Variants in PKNOX2 observed in about 807,000 individuals in gnomAD.
The protein encoded by PKNOX2 is PBX/knotted 1 homeobox 2.
In PKNOX2, 14 loss-of-function variants were observed where a neutral mutation model predicts 53.1. The observed-to-expected ratio is 0.26, with a 90% confidence interval of 0.17 to 0.41. The LOEUF is 0.41. Among genes scored for constraint, PKNOX2 ranks in the 10% least tolerant of loss-of-function variants. The pLI, the probability that PKNOX2 is intolerant of heterozygous loss-of-function variation, is 1.00. For missense variants in PKNOX2, 496 were observed against 602.8 expected (o/e 0.82, Z 1.85); for synonymous variants, 257 against 242.8 (o/e 1.06, Z -0.54).
chr11:125,308,993 T>A (rs879331160), intron 2 of PKNOX2, among the ~76,000 whole-genome samples: 1 of 152,214 alleles, frequency 6.6e-6, no homozygotes, highest in Non-Finnish European at 1.5e-5. Context: ...CCTCCACAGA[T>A]GCACTCCATA....
In PKNOX2 at chr11:125,249,375, G is replaced by T. The variant is rs76761183; in HGVS notation, c.-130+14260G>T. On this transcript the variant is annotated intron_variant, in intron 2 of 12. Coordinates refer to ENST00000298282, the MANE Select transcript of PKNOX2 (RefSeq NM_001382323.2). The stretch of plus-strand genomic sequence containing the variant: ...ATGGTGCAGCAAATAAACAAGAATA[G>T]TCAGCCCTCTGTATCCATAGGTTCC... 9.7e-3 allele frequency among the ~76,000 whole-genome samples: 1,484 copies of T among 152,228 alleles called. 32 individuals carry two copies. Among genetic ancestry groups the T allele is most frequent in the African/African-American group, 0.033 (1,387 of 41,534 alleles).
At chr11:125,284,457 G>A (rs1056141361) in intron 2 of PKNOX2, among the ~76,000 whole-genome samples, 2 of 152,340 alleles carry the variant, frequency 1.3e-5, no homozygotes, top group African/African-American at 2.4e-5. Context: ...ACAAGAAATA[G>A]CATCGCCAGA....
intron 2 of PKNOX2, among the ~76,000 whole-genome samples, chr11:125,280,440 G>A (rs1360895071): frequency 1.3e-5 from 2 of 152,162 alleles, no homozygotes; most frequent in Non-Finnish European, 2.9e-5. Context: ...AGGAGAGGCT[G>A]CACCTTCCCT....
rs1453312758 is a variant in PKNOX2, at chr11:125,166,792, G to C, written c.-201+2016G>C. On this transcript the variant is annotated intron_variant, in intron 1 of 12. Coordinates refer to ENST00000298282, the MANE Select transcript of PKNOX2 (RefSeq NM_001382323.2). The surrounding 1 kb of genome is among the most constrained non-coding windows in gnomAD (Gnocchi z 4.0). ...TTTGGTGCGCCCGGGGGAGGAGGAA[G>C]CTTGGAGTGCCCTACTGTCATCTCT... 6.6e-6 allele frequency among the ~76,000 whole-genome samples: 1 copy of C among 152,112 alleles called. No homozygotes were observed. The highest frequency in any genetic ancestry group is 1.5e-5 in the Non-Finnish European group (1 of 68,012).
chr11:125,220,960 C>G (rs1021049574), intron 1 of PKNOX2, among the ~76,000 whole-genome samples: 29 of 152,084 alleles, frequency 1.9e-4, no homozygotes, highest in Non-Finnish European at 2.2e-4. Context: ...CGAATCACAG[C>G]CTGGCCCACA....
chr11:125,412,851 A>G (rs920609410), intron 10 of PKNOX2, among the ~76,000 whole-genome samples: 1 of 152,194 alleles, frequency 6.6e-6, no homozygotes, highest in Non-Finnish European at 1.5e-5. Context: ...CGAATGGGCC[A>G]TGGAAACTAA....
At chr11:125,348,749 G>T (rs1001457294) in intron 3 of PKNOX2, among the ~76,000 whole-genome samples, 1 of 152,198 alleles carries the variant, frequency 6.6e-6, no homozygotes, top group Non-Finnish European at 1.5e-5. Flanking sequence ...AATGAAAGGC[G>T]CCTCTCTGTA....
chr11:125,317,712 G>A lies in PKNOX2; in HGVS notation c.-129-14107G>A, dbSNP rs111455293. The stretch of plus-strand genomic sequence containing the variant: ...GGCTTTGTTGTTCCATTTATAGAGT[G>A]CAGGCAAAGCAGATTTAGCATCATT... On this transcript the variant is annotated intron_variant, in intron 2 of 12. Transcript: ENST00000298282. Among the ~76,000 whole-genome samples the A allele has an allele frequency of 2.3e-3, 349 of 151,990 alleles. 1 individual carries two copies. Among genetic ancestry groups the A allele is most frequent in the Admixed American group, 3.4e-3 (52 of 15,292 alleles).
intron 2 of PKNOX2, among the ~76,000 whole-genome samples, chr11:125,314,374 G>A (rs1311795615): frequency 6.6e-6 from 1 of 152,152 alleles, no homozygotes; most frequent in African/African-American, 2.4e-5. Context: ...GGGAGCCAGG[G>A]TGGGTCAGGG....
intron 1 of PKNOX2, among the ~76,000 whole-genome samples, chr11:125,171,018 CG>C (rs34382540): frequency 0.35 from 52,464 of 151,678 alleles, 9,307 homozygotes; most frequent in Non-Finnish European, 0.37. Flanking sequence ...GGCCAGAAAG[CG>C]GCCACAGAAG....
intron 2 of PKNOX2, among the ~76,000 whole-genome samples, chr11:125,294,869 A>C (rs756777157): frequency 7.2e-5 from 11 of 152,180 alleles, no homozygotes; most frequent in Non-Finnish European, 1.5e-4. Context: ...CCTCGCATGG[A>C]GTATTGGGGC....
At chr11:125,299,598 T>C (rs1216299207) in intron 2 of PKNOX2, among the ~76,000 whole-genome samples, 1 of 152,152 alleles carries the variant, frequency 6.6e-6, no homozygotes, top group Non-Finnish European at 1.5e-5. Context: ...AGCCTCAACA[T>C]ACTTGTTGGT....
chr11:125,259,950 C>T (rs779103797), intron 2 of PKNOX2, among the ~76,000 whole-genome samples: 2 of 151,698 alleles, frequency 1.3e-5, no homozygotes, highest in Non-Finnish European at 2.9e-5. Flanking sequence ...AATCACAGCT[C>T]ATTGTACCCT....
intron 10 of PKNOX2, among the ~76,000 whole-genome samples, chr11:125,428,804 G>A (rs751781910): frequency 2.6e-5 from 4 of 152,200 alleles, no homozygotes; most frequent in Non-Finnish European, 4.4e-5. Context: ...TGGCCAGCCC[G>A]GGATGTGGAG....
chr11:125,429,941 T>G, intron 11 of PKNOX2, 22 bp from the exon 12 acceptor site: 1 of 1,609,952 alleles, frequency 6.2e-7, no homozygotes, highest in Non-Finnish European at 8.5e-7. Flanking sequence ...ACTAACCAGG[T>G]CTCCACTTTA....
At chr11:125,225,561 C>A (rs1941612153) in intron 1 of PKNOX2, among the ~76,000 whole-genome samples, 1 of 152,184 alleles carries the variant, frequency 6.6e-6, no homozygotes, top group Non-Finnish European at 1.5e-5. Context: ...ACTCCAGCTC[C>A]CCCACCCACT....
intron 1 of PKNOX2, among the ~76,000 whole-genome samples, chr11:125,229,901 T>C (rs1176476476): frequency 1.3e-5 from 2 of 152,086 alleles, no homozygotes; most frequent in Non-Finnish European, 2.9e-5. Context: ...GCTTGGAGGG[T>C]AAATTGCTTG....
chr11:125,373,964 G>T (rs1197170492), intron 5 of PKNOX2, among the ~76,000 whole-genome samples: 1 of 152,136 alleles, frequency 6.6e-6, no homozygotes, highest in African/African-American at 2.4e-5. Context: ...CCTGGGGCTG[G>T]GCTGGTGGAT....
intron 3 of PKNOX2, among the ~76,000 whole-genome samples, chr11:125,344,510 G>T (rs1486693665): frequency 6.6e-6 from 1 of 152,168 alleles, no homozygotes; most frequent in African/African-American, 2.4e-5. Context: ...CATCTCTTAG[G>T]GAGTCAGAAG....
Sources: gnomAD v4.1 joint callset for allele counts (sites outside exome capture counted in the v4.1 genomes callset) on GRCh38, gnomAD v4.1.1 for gene constraint, Gnocchi (gnomAD v3.1) non-coding constraint, MANE v1.5 for transcripts, NCBI Gene and HGNC (gene_info 2026-07-23, HGNC 2026-07-21) for gene names.